HEPACAM2: variants seen among roughly 807,000 people sequenced by gnomAD.
The protein encoded by HEPACAM2 is HEPACAM family member 2.
Under a neutral mutation model 49.6 loss-of-function variants are expected in HEPACAM2, and 49 were observed. That is an observed-to-expected ratio of 0.99 (90% CI 0.78 to 1.25). The LOEUF (loss-of-function observed/expected upper bound fraction) is 1.25. Ranked by LOEUF, HEPACAM2 falls within the 50% of genes most tolerant of loss-of-function variation. HEPACAM2 has a pLI of 0.00. For missense variants in HEPACAM2, 525 were observed against 557.2 expected (o/e 0.94, Z 0.58); for synonymous variants, 197 against 202.9 (o/e 0.97, Z 0.25).
chr7:93,191,635 C>T (rs940200003), intron 9 of HEPACAM2, among the ~76,000 whole-genome samples: 9 of 152,102 alleles, frequency 5.9e-5, no homozygotes, highest in South Asian at 2.1e-4. Flanking sequence ...TATTTCTCCA[C>T]GGCATGGAGG....
At chr7:93,228,929 C>T (rs1794584431), upstream of HEPACAM2, among the ~76,000 whole-genome samples, 1 of 151,888 alleles carries the variant, frequency 6.6e-6, no homozygotes, top group Non-Finnish European at 1.5e-5. Flanking sequence ...TTTTTATTAC[C>T]TCTCAAATCA....
intron 4 of HEPACAM2, among the ~76,000 whole-genome samples, chr7:93,201,001 A>G (rs752679447): frequency 6.6e-6 from 1 of 152,092 alleles, no homozygotes; most frequent in Non-Finnish European, 1.5e-5. Flanking sequence ...CTGAATGTGC[A>G]CATCTTTGGG....
intron 3 of HEPACAM2, among the ~76,000 whole-genome samples, chr7:93,210,094 G>A (rs1794142147): frequency 6.6e-6 from 1 of 151,836 alleles, no homozygotes; most frequent in South Asian, 2.1e-4. Context: ...TTTCTTCAGA[G>A]AATAAGGAAA....
chr7:93,198,863 C>G (rs932635098), intron 4 of HEPACAM2, among the ~76,000 whole-genome samples: 4 of 152,028 alleles, frequency 2.6e-5, no homozygotes, highest in African/African-American at 4.8e-5. Flanking sequence ...AGGGAGGAAG[C>G]CTTAATCTTT....
chr7:93,232,276 T>C, the HEPACAM2 span: 331 of 562,534 alleles, frequency 5.9e-4, no homozygotes, highest in Non-Finnish European at 9.6e-4. Context: ...TTGGCCACTT[T>C]AGTTCATCGT....
upstream of HEPACAM2, among the ~76,000 whole-genome samples, chr7:93,228,913 C>A (rs754461524): frequency 2.0e-5 from 3 of 151,376 alleles, no homozygotes; most frequent in Non-Finnish European, 4.4e-5. Flanking sequence ...TTGTTGGGGG[C>A]AGGGATTTTT....
intron 4 of HEPACAM2, among the ~76,000 whole-genome samples, chr7:93,206,520 A>G (rs1299870795): frequency 6.6e-6 from 1 of 152,084 alleles, no homozygotes; most frequent in Non-Finnish European, 1.5e-5. Context: ...AATATATATT[A>G]TTATCTACTG....
In HEPACAM2 at chr7:93,197,229, C is replaced by A; in HGVS notation, c.1201+12G>T. 6.2e-7 allele frequency: 1 copy of A among 1,605,130 alleles called. No individual in the cohort carries two copies. Among genetic ancestry groups the A allele is most frequent in the Non-Finnish European group, 8.5e-7 (1 of 1,175,052 alleles). ...TAAAACTGATAATAGCCCTTTTCAG[C>A]TTGGCCATTACCTGAAAATGTTTGA... On this transcript the variant is annotated intron_variant, in intron 7 of 9. Coordinates refer to ENST00000394468, the MANE Select transcript of HEPACAM2 (RefSeq NM_001039372.4).
intron 4 of HEPACAM2, among the ~76,000 whole-genome samples, chr7:93,204,628 C>T (rs947162511): frequency 6.6e-6 from 1 of 151,976 alleles, no homozygotes; most frequent in African/African-American, 2.4e-5. Flanking sequence ...GTAGACAAAC[C>T]AGAGTATCTC....
At chr7:93,215,023 T>C (rs1458508498) in intron 3 of HEPACAM2, among the ~76,000 whole-genome samples, 2 of 152,164 alleles carry the variant, frequency 1.3e-5, no homozygotes, top group East Asian at 3.9e-4. Flanking sequence ...AATTCAGGAA[T>C]GGTAATATTT....
chr7:93,208,977 T>G lies in HEPACAM2; in HGVS notation c.716-101A>C, dbSNP rs999563367. ...TAGCATTTTACTGTTTTTGAAAATT[T>G]TCATCTTAGAATTGGACGAGCAGGT... On this transcript the variant is annotated intron_variant, in intron 3 of 9. Transcript: ENST00000394468. 3 of 1,016,196 alleles carry G rather than the reference T, an allele frequency of 3.0e-6. No individual in the cohort carries two copies. In the African/African-American group the frequency reaches 4.9e-5, roughly 17 times the overall value. The allele number at this position is 1,016,196 out of a possible 1,614,324, so 62.9% of individuals were successfully genotyped here.
intron 1 of HEPACAM2, chr7:93,226,074 G>A (rs937095420): frequency 1.9e-6 from 1 of 536,446 alleles, no homozygotes; most frequent in Non-Finnish European, 3.3e-6. Flanking sequence ...GAACCTATAT[G>A]TAAACTCTAA....
At chr7:93,193,504 C>G (rs1453813256) in intron 8 of HEPACAM2, among the ~76,000 whole-genome samples, 2 of 152,152 alleles carry the variant, frequency 1.3e-5, no homozygotes, top group African/African-American at 4.8e-5. Flanking sequence ...TGTTTTCTGT[C>G]TAACTCCTGA....
chr7:93,192,151 T>G, intron 9 of HEPACAM2, 103 bp downstream of exon 9: 2 of 723,234 alleles, frequency 2.8e-6, no homozygotes, highest in Non-Finnish European at 4.6e-6. Context: ...TATAATTTCT[T>G]GTTTTGGTAT....
chr7:93,217,892 G>A (rs577079527), intron 2 of HEPACAM2, among the ~76,000 whole-genome samples: 1 of 151,478 alleles, frequency 6.6e-6, no homozygotes, highest in East Asian at 1.9e-4. Context: ...GTGTGTGTGT[G>A]TGTGTGTGTG....
intron 4 of HEPACAM2, among the ~76,000 whole-genome samples, chr7:93,201,651 T>G (rs1584335458): frequency 6.6e-6 from 1 of 152,094 alleles, no homozygotes; most frequent in East Asian, 1.9e-4. Flanking sequence ...CACTCTTACC[T>G]AATCATTATA....
chr7:93,190,849 A>G (rs761136445), intron 9 of HEPACAM2, among the ~76,000 whole-genome samples: 2 of 152,098 alleles, frequency 1.3e-5, no homozygotes, highest in Admixed American at 1.3e-4. Context: ...TGTAGCTGCC[A>G]TATTCACAAT....
At chr7:93,213,409 G>GA (rs1794226017) in intron 3 of HEPACAM2, among the ~76,000 whole-genome samples, 1 of 151,758 alleles carries the variant, frequency 6.6e-6, no homozygotes, top group Admixed American at 6.6e-5. Flanking sequence ...CTACTTTCAT[G>GA]AAAAAACCCT....
In HEPACAM2 at chr7:93,208,728, A is replaced by C; in HGVS notation, c.864T>G (p.Asn288Lys). 1 of 1,613,222 alleles carries C rather than the reference A, an allele frequency of 6.2e-7. No individual in the cohort carries two copies. Among genetic ancestry groups the C allele is most frequent in the Non-Finnish European group, 8.5e-7 (1 of 1,179,470 alleles). Residue 288 changes from asparagine (N) to lysine (K), a missense_variant, in exon 4 of 10, where the codon AAT (asparagine) becomes AAG (lysine). Physicochemically the swap from Asn to Lys is moderately conservative, Grantham distance 94. Transcript: ENST00000394468. ...GCCCATGCTTAATGATATATGTAGT[A>C]TTGTCAGTCCTCCTAATCCAGGAGT... Reference protein sequence around the residue: ...NTYSWIRRTDNTTYIIKHGPR... With the variant: ...NTYSWIRRTDKTTYIIKHGPR...
Sources: allele counts gnomAD v4.1 joint callset (sites outside exome capture counted in the v4.1 genomes callset), GRCh38; gene constraint gnomAD v4.1.1; transcripts MANE v1.5; gene names NCBI Gene and HGNC (gene_info 2026-07-23, HGNC 2026-07-21).